Variants in GALK2 observed in about 807,000 individuals in gnomAD.
GALK2 encodes the protein N-acetylgalactosamine kinase.
Under a neutral mutation model 52.4 loss-of-function variants are expected in GALK2, and 36 were observed. The ratio of observed to expected loss-of-function variants is 0.69; its 90% CI spans 0.53 to 0.91. The LOEUF is 0.91. GALK2 is among the 40% of genes least tolerant of loss of function. GALK2 has a pLI of 0.00. For missense variants in GALK2, 579 were observed against 559.1 expected (o/e 1.04, Z -0.36); for synonymous variants, 176 against 199.1 (o/e 0.88, Z 0.98).
intron 3 of GALK2, chr15:49,365,775 C>G: frequency 1.2e-6 from 1 of 854,116 alleles, no homozygotes; most frequent in Non-Finnish European, 2.0e-6. Flanking sequence ...GAAACACAGC[C>G]CAAACAATAG....
At chr15:49,359,934 T>G (rs1247892957) in intron 3 of GALK2, among the ~76,000 whole-genome samples, 4 of 150,184 alleles carry the variant, frequency 2.7e-5, no homozygotes, top group South Asian at 2.1e-4. Context: ...TTCATGTCCT[T>G]TGTATGGACA....
chr15:49,260,249 C>G (rs910539354), intron 5 of GALK2, among the ~76,000 whole-genome samples: 2 of 151,848 alleles, frequency 1.3e-5, no homozygotes, highest in African/African-American at 4.8e-5. Context: ...CCTGTTGTTT[C>G]CTGACTTTTT....
At chr15:49,163,945 A>G (rs962880172) in intron 1 of GALK2, among the ~76,000 whole-genome samples, 2 of 152,052 alleles carry the variant, frequency 1.3e-5, no homozygotes, top group Non-Finnish European at 2.9e-5. Context: ...TTTTTTTACT[A>G]TATTAATTTG....
chr15:49,342,285 C>G (rs2040852524), intron 3 of GALK2, among the ~76,000 whole-genome samples: 1 of 151,834 alleles, frequency 6.6e-6, no homozygotes. Flanking sequence ...TATGTAATAC[C>G]CTTTGTCTTT....
At chr15:49,292,642 CTG>C (rs761215019) in intron 8 of GALK2, 105 bp downstream of exon 8, 102 of 886,928 alleles carry the variant, frequency 1.2e-4, no homozygotes, top group Non-Finnish European at 1.7e-4. Context: ...AATTTGGAGA[CTG>C]TGTTTTGGCA....
intron 5 of GALK2, among the ~76,000 whole-genome samples, chr15:49,278,989 A>C (rs890969050): frequency 3.3e-5 from 5 of 152,202 alleles, no homozygotes; most frequent in Non-Finnish European, 5.9e-5. Flanking sequence ...AATGCCAGAC[A>C]CTTATAAAAT....
chr15:49,333,462 C>A (rs1010000394), downstream of GALK2, among the ~76,000 whole-genome samples: 1 of 152,140 alleles, frequency 6.6e-6, no homozygotes, highest in African/African-American at 2.4e-5. Flanking sequence ...TCTGCATATT[C>A]TCAGTGGTGA....
intron 3 of GALK2, among the ~76,000 whole-genome samples, chr15:49,233,799 A>C (rs2090637770): frequency 6.6e-6 from 1 of 152,154 alleles, no homozygotes; most frequent in Non-Finnish European, 1.5e-5. Context: ...TCCTCTCTCT[A>C]TCAAATGCGG....
At chr15:49,170,194 G>A, upstream of GALK2, 1 of 1,487,598 alleles carries the variant, frequency 6.7e-7, no homozygotes, top group East Asian at 2.5e-5. Context: ...CGAAGCTGCA[G>A]GATTTCCGCA....
At chr15:49,199,733 G>A (rs563680689) in intron 1 of GALK2, among the ~76,000 whole-genome samples, 2 of 152,264 alleles carry the variant, frequency 1.3e-5, no homozygotes, top group African/African-American at 4.8e-5. Flanking sequence ...GTCTTGTAGA[G>A]TCAAGGCCAC....
At chr15:49,176,421 A>G (rs959327440) in intron 1 of GALK2, among the ~76,000 whole-genome samples, 8 of 152,332 alleles carry the variant, frequency 5.3e-5, no homozygotes, top group African/African-American at 7.2e-5. Flanking sequence ...CTGGGTTGCA[A>G]TCTTCAAACT....
chr15:49,286,651 T>C (rs554538651), intron 7 of GALK2, among the ~76,000 whole-genome samples: 22 of 152,348 alleles, frequency 1.4e-4, no homozygotes, highest in African/African-American at 4.8e-4. Flanking sequence ...TGCTTTAACA[T>C]TGAACTCTTC....
chr15:49,360,076 CTG>C (rs1481590561), intron 3 of GALK2, among the ~76,000 whole-genome samples: 1 of 113,248 alleles, frequency 8.8e-6, no homozygotes, highest in Non-Finnish European at 1.7e-5. Flanking sequence ...ATATCACACT[CTG>C]GGGACTGTTG....
chr15:49,202,114 C>T (rs901512465), intron 2 of GALK2, among the ~76,000 whole-genome samples: 10 of 152,200 alleles, frequency 6.6e-5, no homozygotes, highest in Non-Finnish European at 1.2e-4. Context: ...AGTGATTCTC[C>T]TGCCTCAGCC....
In GALK2 at chr15:49,162,056, A is replaced by G. The variant is rs553755056; in HGVS notation, c.20+6040A>G. Among the ~76,000 whole-genome samples the G allele has an allele frequency of 1.8e-4, 27 of 152,334 alleles. No homozygotes were observed. In the South Asian group the frequency reaches 5.6e-3, roughly 32 times the overall value. ...ATTTAATGAACTTTGACATATGTAT[A>G]CACCTGTGAAACTATCACGACACAA... On this transcript the variant is annotated intron_variant, in intron 1 of 9. Transcript: ENST00000327171.
At chr15:49,299,565 A>G (rs1272309375) in intron 8 of GALK2, among the ~76,000 whole-genome samples, 1 of 152,084 alleles carries the variant, frequency 6.6e-6, no homozygotes, top group African/African-American at 2.4e-5. Flanking sequence ...GCTGTGCCCT[A>G]CAAATTCTGA....
chr15:49,226,301 C>T (rs1313151634), intron 3 of GALK2, among the ~76,000 whole-genome samples: 1 of 152,150 alleles, frequency 6.6e-6, no homozygotes, highest in Non-Finnish European at 1.5e-5. Flanking sequence ...TTCACTAACC[C>T]CTCCCTCAGG....
intron 5 of GALK2, among the ~76,000 whole-genome samples, chr15:49,260,938 G>A (rs1411410704): frequency 6.6e-6 from 1 of 151,920 alleles, no homozygotes. Context: ...CTCTGTTTCG[G>A]TACCAGTACC....
chr15:49,356,106 G>A (rs995273742), intron 3 of GALK2, among the ~76,000 whole-genome samples: 2 of 152,084 alleles, frequency 1.3e-5, no homozygotes, highest in Non-Finnish European at 2.9e-5. Context: ...AACATGGAAA[G>A]GAACAACCGG....
Sources: allele counts gnomAD v4.1 joint callset (sites outside exome capture counted in the v4.1 genomes callset), GRCh38; gene constraint gnomAD v4.1.1; transcripts MANE v1.5; gene names NCBI Gene and HGNC (gene_info 2026-07-23, HGNC 2026-07-21).